STAU2: variants seen among roughly 807,000 people sequenced by gnomAD.
STAU2 encodes staufen double-stranded RNA binding protein 2.
A neutral mutation model predicts 65.9 loss-of-function variants in STAU2; 20 were observed. The observed-to-expected ratio is 0.30, with a 90% CI of 0.21 to 0.44. The LOEUF is 0.44. Among genes scored for constraint, STAU2 ranks in the 20% least tolerant of loss-of-function variants. The pLI, the probability that STAU2 is intolerant of heterozygous loss-of-function variation, is 1.00. For synonymous variants in STAU2, 232 were observed against 233.9 expected, an observed-to-expected ratio of 0.99 and a Z score of 0.07; for missense variants, 558 against 683.9, an observed-to-expected ratio of 0.82 and a Z score of 2.05.
At chr8:73,644,343 G>C (rs909803279) in intron 6 of STAU2, among the ~76,000 whole-genome samples, 5 of 152,084 alleles carry the variant, frequency 3.3e-5, no homozygotes, top group African/African-American at 1.2e-4. Flanking sequence ...CACTCAGGAG[G>C]CTGAAGCAGA....
chr8:73,471,669 T>C (rs1238725972), intron 13 of STAU2, among the ~76,000 whole-genome samples: 1 of 151,644 alleles, frequency 6.6e-6, no homozygotes, highest in African/African-American at 2.4e-5. Flanking sequence ...AAATACAAAA[T>C]TAGCCGGGCA....
At chr8:73,726,636 TA>T (rs756844283) in intron 3 of STAU2, among the ~76,000 whole-genome samples, 6 of 152,182 alleles carry the variant, frequency 3.9e-5, no homozygotes, top group Non-Finnish European at 8.8e-5. Context: ...TCTTATCTGC[TA>T]TTAATCCCAT....
chr8:73,685,525 C>T (rs1818742824), intron 5 of STAU2, among the ~76,000 whole-genome samples: 2 of 151,892 alleles, frequency 1.3e-5, no homozygotes, highest in South Asian at 2.1e-4. Context: ...TACAGGGGCC[C>T]GCCACTGCCC....
intron 1 of STAU2, among the ~76,000 whole-genome samples, chr8:73,743,574 A>T (rs1807040793): frequency 6.7e-6 from 1 of 150,122 alleles, no homozygotes; most frequent in African/African-American, 2.5e-5. Context: ...CCTGGTTTCA[A>T]ATGATTCTCC....
chr8:73,651,814 C>A (rs1449760942), intron 6 of STAU2, among the ~76,000 whole-genome samples: 2 of 152,236 alleles, frequency 1.3e-5, no homozygotes, highest in Non-Finnish European at 2.9e-5. Context: ...TGACTCCAGG[C>A]CTCCCATACA....
intron 5 of STAU2, among the ~76,000 whole-genome samples, chr8:73,679,894 A>C (rs544361279): frequency 9.6e-4 from 145 of 150,712 alleles, no homozygotes; most frequent in Non-Finnish European, 1.5e-3. Flanking sequence ...ACCTAAAAAA[A>C]AAAACAAAAC....
intron 13 of STAU2, among the ~76,000 whole-genome samples, chr8:73,521,838 CA>C (rs1171461062): frequency 3.3e-5 from 5 of 152,142 alleles, no homozygotes; most frequent in African/African-American, 1.2e-4. Context: ...GGTTGAAGAG[CA>C]TTTGTAATAT....
intron 13 of STAU2, among the ~76,000 whole-genome samples, chr8:73,494,483 T>G (rs1005258920): frequency 2.0e-5 from 3 of 151,776 alleles, no homozygotes; most frequent in African/African-American, 7.2e-5. Context: ...TTTTCCAAAC[T>G]GACATTTTAA....
intron 4 of STAU2, among the ~76,000 whole-genome samples, chr8:73,697,840 G>T (rs1819788880): frequency 6.6e-6 from 1 of 152,158 alleles, no homozygotes; most frequent in South Asian, 2.1e-4. Context: ...AGTACTTTGG[G>T]AGGCCAAGGC....
At chr8:73,435,899 C>T (rs989572171) in intron 13 of STAU2, among the ~76,000 whole-genome samples, 6 of 151,720 alleles carry the variant, frequency 4.0e-5, no homozygotes, top group East Asian at 3.9e-4. Context: ...ACCTCTCGCC[C>T]GAGAGGAGCC....
intron 3 of STAU2, among the ~76,000 whole-genome samples, chr8:73,726,293 G>A (rs2130730315): frequency 6.6e-6 from 1 of 152,172 alleles, no homozygotes; most frequent in South Asian, 2.1e-4. Flanking sequence ...GGGTGAAAGT[G>A]GTATGAGGTA....
intron 3 of STAU2, among the ~76,000 whole-genome samples, chr8:73,709,825 TTCCTTA>T (rs1820763029): frequency 6.6e-6 from 1 of 152,066 alleles, no homozygotes; most frequent in Admixed American, 6.6e-5. Flanking sequence ...TCCTGTTAAG[TTCCTTA>T]TTATCTTTTA....
At chr8:73,648,961 A>G (rs78165346) in intron 6 of STAU2, among the ~76,000 whole-genome samples, 11,061 of 152,074 alleles carry the variant, frequency 0.073, 441 homozygotes, top group Middle Eastern at 0.14. Context: ...CCTGCACCAC[A>G]TGCCCAACTT....
Position 73,470,856 on chromosome 8 carries a change from T to G in STAU2, c.1531-48154A>C, listed in dbSNP as rs548982028. On this transcript the variant is annotated intron_variant, in intron 13 of 14. Transcript: ENST00000524300. Reference sequence around the variant, plus strand: ...AGAGATAGTGGCATGAAGAGCCCAGTAAGAAATTACTGAAGCAGTGCCACC... The same window carrying G: ...AGAGATAGTGGCATGAAGAGCCCAGGAAGAAATTACTGAAGCAGTGCCACC... Among the ~76,000 whole-genome samples, 3 of 152,168 alleles carry G rather than the reference T, an allele frequency of 2.0e-5. No homozygotes were observed. In the South Asian group the frequency reaches 6.2e-4, roughly 32 times the overall value.
At chr8:73,432,529 T>C (rs1817377517) in intron 13 of STAU2, among the ~76,000 whole-genome samples, 1 of 152,220 alleles carries the variant, frequency 6.6e-6, no homozygotes, top group South Asian at 2.1e-4. Flanking sequence ...AATTAAATAC[T>C]GTGTCTCTTT....
chr8:73,501,203 C>T (rs1034036916), intron 13 of STAU2, among the ~76,000 whole-genome samples: 2 of 151,576 alleles, frequency 1.3e-5, no homozygotes, highest in African/African-American at 4.8e-5. Flanking sequence ...ACTGCAGAAA[C>T]CCTCCCAGTT....
At chr8:73,683,336 C>A (rs1241439223) in intron 5 of STAU2, among the ~76,000 whole-genome samples, 5 of 152,000 alleles carry the variant, frequency 3.3e-5, no homozygotes, top group Admixed American at 2.0e-4. Flanking sequence ...ATGTGATACA[C>A]CACAGAAACA....
chr8:73,620,293 C>T (rs1009184800), intron 6 of STAU2, among the ~76,000 whole-genome samples: 6 of 152,144 alleles, frequency 3.9e-5, no homozygotes, highest in African/African-American at 1.2e-4. Context: ...TCTCATATGG[C>T]AAACTTTCAC....
chr8:73,433,513 T>C (rs1356543665), intron 13 of STAU2, among the ~76,000 whole-genome samples: 4 of 150,426 alleles, frequency 2.7e-5, no homozygotes, highest in Non-Finnish European at 5.9e-5. Context: ...CTTTTTTTTT[T>C]TTTTTTTGAC....
Sources: allele counts gnomAD v4.1 joint callset (sites outside exome capture counted in the v4.1 genomes callset), GRCh38; gene constraint gnomAD v4.1.1; transcripts MANE v1.5; gene names NCBI Gene and HGNC (gene_info 2026-07-23, HGNC 2026-07-21).